EYA4: variants seen among roughly 807,000 people sequenced by gnomAD.
EYA4 encodes the protein EYA transcriptional coactivator and phosphatase 4.
Under a neutral mutation model 87.9 loss-of-function variants are expected in EYA4, and 31 were observed. The ratio of observed to expected loss-of-function variants is 0.35; its 90% CI spans 0.27 to 0.48. The LOEUF (loss-of-function observed/expected upper bound fraction) is 0.48. Among genes scored for constraint, EYA4 ranks in the 20% least tolerant of loss-of-function variants. The pLI, the probability that EYA4 is intolerant of heterozygous loss-of-function variation, is 0.99. For synonymous variants in EYA4, 263 were observed against 270.6 expected (o/e 0.97, Z 0.28); for missense variants, 678 against 761.4 (o/e 0.89, Z 1.29).
intron 1 of EYA4, among the ~76,000 whole-genome samples, chr6:133,258,879 G>T (rs192053558): frequency 1.3e-5 from 2 of 151,928 alleles, no homozygotes; most frequent in Admixed American, 6.6e-5. Context: ...GAATAATTTA[G>T]TCTCCAACAA....
chr6:133,522,013 C>T (rs7453259), intron 17 of EYA4, among the ~76,000 whole-genome samples: 19,960 of 128,964 alleles, frequency 0.15, 1,672 homozygotes, highest in African/African-American at 0.21. Flanking sequence ...ATACCTAATG[C>T]TAGATGACGA....
chr6:133,379,273 A>T (rs1346776463), intron 2 of EYA4, among the ~76,000 whole-genome samples: 1 of 152,058 alleles, frequency 6.6e-6, no homozygotes, highest in Non-Finnish European at 1.5e-5. Flanking sequence ...ATAGTCATTG[A>T]AGGTTCTATA....
intron 19 of EYA4, among the ~76,000 whole-genome samples, chr6:133,528,119 TTCTC>T (rs1231836658): frequency 6.6e-6 from 1 of 152,210 alleles, no homozygotes; most frequent in Non-Finnish European, 1.5e-5. Flanking sequence ...CTAGAGTACT[TTCTC>T]TCAATTCTAC....
chr6:133,303,173 C>T (rs539090259), intron 2 of EYA4, among the ~76,000 whole-genome samples: 7 of 152,244 alleles, frequency 4.6e-5, no homozygotes, highest in Admixed American at 3.9e-4. Flanking sequence ...CTGAACAATA[C>T]TGTATTTGGT....
intron 13 of EYA4, among the ~76,000 whole-genome samples, chr6:133,487,529 G>C (rs1796783938): frequency 6.6e-6 from 1 of 152,166 alleles, no homozygotes; most frequent in African/African-American, 2.4e-5. Context: ...TTGCAACTTG[G>C]ATACTAACTC....
At chr6:133,398,174 G>A (rs1235709161) in intron 3 of EYA4, among the ~76,000 whole-genome samples, 9 of 152,190 alleles carry the variant, frequency 5.9e-5, no homozygotes, top group Admixed American at 5.9e-4. Context: ...AGAAACAGAG[G>A]AATCGTGAAA....
At chr6:133,269,701 T>TA (rs1776529476) in intron 1 of EYA4, among the ~76,000 whole-genome samples, 1 of 152,198 alleles carries the variant, frequency 6.6e-6, no homozygotes, top group African/African-American at 2.4e-5. Flanking sequence ...TGGATATATG[T>TA]AAAACTGAGC....
At chr6:133,495,628 G>A (rs1186279934) in intron 13 of EYA4, among the ~76,000 whole-genome samples, 1 of 152,054 alleles carries the variant, frequency 6.6e-6, no homozygotes, top group African/African-American at 2.4e-5. Context: ...AGAATTTAGA[G>A]GAATAAGAGT....
At chr6:133,402,280 T>A (rs1421875286) in intron 3 of EYA4, among the ~76,000 whole-genome samples, 1 of 152,104 alleles carries the variant, frequency 6.6e-6, no homozygotes, top group East Asian at 1.9e-4. Context: ...ATGGCAGTAC[T>A]TAATACCTCT....
intron 2 of EYA4, among the ~76,000 whole-genome samples, chr6:133,343,846 A>C (rs920716416): frequency 1.3e-5 from 2 of 152,092 alleles, no homozygotes; most frequent in Admixed American, 6.6e-5. Flanking sequence ...ATAAGTGTTT[A>C]TAAATATGTT....
intron 2 of EYA4, among the ~76,000 whole-genome samples, chr6:133,280,083 AT>A (rs1279731025): frequency 6.6e-6 from 1 of 152,228 alleles, no homozygotes; most frequent in African/African-American, 2.4e-5. Flanking sequence ...GATCTAAACA[AT>A]GTTGGATTAT....
Position 133,515,420 on chromosome 6 carries a change from C to T in EYA4, c.1601C>T (p.Ser534Leu). 6.4e-7 allele frequency: 1 copy of T among 1,574,766 alleles called. No individual in the cohort carries two copies. Among genetic ancestry groups the T allele is most frequent in the Non-Finnish European group, 8.7e-7 (1 of 1,144,182 alleles). ...SWLTNALKSL[S>L]IISTRSNCIN... ...CTAACAAATGCACTTAAGTCTTTAT[C>T]AATTATTAGCACTAGGTAAGTGGAA... The change falls in exon 17 of 20, where the codon TCA (serine) becomes TTA (leucine). Residue 534 changes from serine to leucine, a missense_variant. By Grantham distance (145) the Ser-to-Leu change is moderately radical (BLOSUM62 -2). Coordinates refer to ENST00000355286, the MANE Select transcript of EYA4 (RefSeq NM_004100.5).
Position 133,529,408 on chromosome 6 carries a change from T to G in EYA4, c.*603T>G, listed in dbSNP as rs899596195. ...GGGAGGGGAAATGGGAATATAATAT[T>G]GTCTCTTTTTTAAGTTTGGCAAACA... On this transcript the variant is annotated 3_prime_UTR_variant, in exon 20 of 20. Transcript: ENST00000355286. The G allele has an allele frequency of 4.0e-6, 4 of 991,788 alleles. No individual in the cohort carries two copies. In the African/African-American group the frequency reaches 7.0e-5, roughly 17 times the overall value. 61.4% of individuals were successfully genotyped at this position (991,788 alleles called of 1,614,324 possible).
At chr6:133,267,099 A>G (rs1357951137) in intron 1 of EYA4, among the ~76,000 whole-genome samples, 1 of 152,158 alleles carries the variant, frequency 6.6e-6, no homozygotes, top group Non-Finnish European at 1.5e-5. Context: ...CATTTTCACT[A>G]TCTGCTGTAG....
rs548732538 is a variant in EYA4, at chr6:133,325,946, C to T, written c.33+51133C>T. ...GTCATTAGCTACCCGTCTTGGGGTT[C>T]GTTCTGCTGTATGCTGTATCTACAG... On this transcript the variant is annotated intron_variant, in intron 2 of 19. Transcript: ENST00000355286. 2.1e-3 allele frequency among the ~76,000 whole-genome samples: 322 copies of T among 152,324 alleles called. 1 individual carries two copies. The highest frequency in any genetic ancestry group is 6.8e-3 in the African/African-American group (283 of 41,578).
At chr6:133,378,083 A>T (rs1785857683) in intron 2 of EYA4, among the ~76,000 whole-genome samples, 1 of 152,124 alleles carries the variant, frequency 6.6e-6, no homozygotes, top group Non-Finnish European at 1.5e-5. Context: ...TCTCAAACTC[A>T]TCAAGTTGTA....
chr6:133,382,888 A>C (rs1160104444), intron 3 of EYA4, among the ~76,000 whole-genome samples: 1 of 152,082 alleles, frequency 6.6e-6, no homozygotes, highest in African/African-American at 2.4e-5. Context: ...CTCATAGTTA[A>C]TTTGGCATTC....
intron 2 of EYA4, among the ~76,000 whole-genome samples, chr6:133,313,929 G>A (rs560616485): frequency 1.3e-5 from 2 of 151,932 alleles, no homozygotes; most frequent in Non-Finnish European, 1.5e-5. Flanking sequence ...CATTGACTTT[G>A]GTTAGAAATG....
intron 3 of EYA4, among the ~76,000 whole-genome samples, chr6:133,389,945 C>T (rs940950491): frequency 1.3e-5 from 2 of 152,196 alleles, no homozygotes; most frequent in Admixed American, 6.5e-5. Flanking sequence ...TAGGTCTTCA[C>T]ATGGCTTACA....
Sources: gnomAD v4.1 joint callset for allele counts (sites outside exome capture counted in the v4.1 genomes callset) on GRCh38, gnomAD v4.1.1 for gene constraint, MANE v1.5 for transcripts, NCBI Gene and HGNC (gene_info 2026-07-23, HGNC 2026-07-21) for gene names.